The following ZNF562 variants were observed in gnomAD, a reference collection of about 807,000 sequenced individuals.
ZNF562 encodes zinc finger protein 562.
ZNF562 carries 13 observed loss-of-function variants against 17.5 expected under a neutral mutation model. The observed-to-expected ratio is 0.74, with a 90% confidence interval of 0.48 to 1.18. The LOEUF (loss-of-function observed/expected upper bound fraction) is 1.18. Among genes scored for constraint, ZNF562 ranks in the 50% most tolerant of loss-of-function variants. The probability of loss-of-function intolerance (pLI) is 0.00; values close to 1 mark genes in which losing one functional copy is unlikely to be tolerated. For synonymous variants in ZNF562, 163 were observed against 165.4 expected, an observed-to-expected ratio of 0.99 and a Z score of 0.11; for missense variants, 481 against 498.5, an observed-to-expected ratio of 0.96 and a Z score of 0.33.
chr19:9,654,675 T>C (rs528750082), intron 5 of ZNF562, among the ~76,000 whole-genome samples: 1 of 152,110 alleles, frequency 6.6e-6, no homozygotes, highest in African/African-American at 2.4e-5. Flanking sequence ...TCTCAAACTC[T>C]TGACCTTCTC....
In ZNF562 at chr19:9,653,766, C is replaced by A; in HGVS notation, c.464G>T (p.Gly155Val). 1 of 1,614,106 alleles carries A rather than the reference C, an allele frequency of 6.2e-7. No homozygotes were observed. Among genetic ancestry groups the A allele is most frequent in the Non-Finnish European group, 8.5e-7 (1 of 1,179,990 alleles). ...RAQNGGNTFE[G>V]NCYGKDSISV... ...GATGCTGTCTTTTCCATAACAATTACCCTCAAAAGTGTTCCCTCCATTCTG... is the reference window on the plus strand; with the variant it reads ...GATGCTGTCTTTTCCATAACAATTAACCTCAAAAGTGTTCCCTCCATTCTG... The change falls in exon 6 of 6, where the codon GGT becomes GTT. Residue 155 changes from glycine (G) to valine (V), a missense_variant. This residue lies in a region of ZNF562 where 403 missense variants were observed against 386.4 expected (regional missense o/e 1.04). Transcript: ENST00000453372.
chr19:9,653,797 T>C lies in ZNF562; in HGVS notation c.433A>G (p.Arg145Gly), dbSNP rs2043358390. 6.2e-7 allele frequency: 1 copy of C among 1,613,910 alleles called. No individual in the cohort carries two copies. The highest frequency in any genetic ancestry group is 8.5e-7 in the Non-Finnish European group (1 of 1,179,916). The change falls in exon 6 of 6, where the codon AGA (arginine) becomes GGA (glycine). Residue 145 changes from arginine (R) to glycine (G), a missense_variant. Arg to Gly is a moderately radical substitution (Grantham distance 125). Around this residue, in one of 2 missense-constraint regions of ZNF562, gnomAD observed 403 missense variants for 386.4 expected, o/e 1.04. Transcript: ENST00000453372. Reference sequence around the variant, plus strand: ...AAAGTGTTCCCTCCATTCTGAGCTCTCATGTGTGTCTTAAGGCAAAACTGT... The same window carrying C: ...AAAGTGTTCCCTCCATTCTGAGCTCCCATGTGTGTCTTAAGGCAAAACTGT... ...SEQFCLKTHMRAQNGGNTFEG... is the reference protein window; with the variant it reads ...SEQFCLKTHMGAQNGGNTFEG...
chr19:9,656,623 T>A lies in ZNF562; in HGVS notation c.272A>T (p.Glu91Val). The A allele has an allele frequency of 6.2e-7, 1 of 1,614,074 alleles. No individual in the cohort carries two copies. The change falls in exon 5 of 6, where the codon GAA becomes GTA. Residue 91 changes from glutamate to valine, a missense_variant. By Grantham distance (121) the Glu-to-Val change is moderately radical (BLOSUM62 -2). Coordinates refer to ENST00000453372, the MANE Select transcript of ZNF562 (RefSeq NM_001130031.2). Reference protein sequence around the residue: ...DFFFCLTSEWEIQPRTKRSSL... With the variant: ...DFFFCLTSEWVIQPRTKRSSL... ...TGACCGTTTGGTTCTAGGTTGTATT[T>A]CCCATTCTGAAGTTAAGCAGAAAAA... is the stretch of plus-strand genomic sequence containing the variant.
intron 4 of ZNF562, among the ~76,000 whole-genome samples, chr19:9,657,728 T>C (rs2043564004): frequency 1.3e-5 from 2 of 151,570 alleles, no homozygotes; most frequent in Middle Eastern, 6.8e-3. Flanking sequence ...TTTGCATTTT[T>C]AGTAGAGACA....
chr19:9,643,825 T>C lies in ZNF562; in HGVS notation c.*9124A>G, dbSNP rs2074789015. ...CTACTATTATACTTAGCGCATTTTT[T>C]TGTTTGTTTGTTTTTTGAGACAGTC... On this transcript the variant is annotated 3_prime_UTR_variant, in exon 6 of 6. Transcript: ENST00000453372. The C allele has an allele frequency of 2.6e-5, 4 of 152,046 alleles. No homozygotes were observed. In the South Asian group the frequency reaches 8.3e-4, roughly 32 times the overall value. 9.4% of individuals were successfully genotyped at this position (152,046 alleles called of 1,614,324 possible). A position where few individuals can be genotyped will look rare whatever the true frequency, so the allele number is the denominator to read the frequency against.
At chr19:9,669,714 GCGAGCGCGCGCGCGCGCGCGCACA>G (rs1310588268) in intron 1 of ZNF562, among the ~76,000 whole-genome samples, 7 of 90,344 alleles carry the variant, frequency 7.7e-5, no homozygotes, top group South Asian at 3.1e-4. Flanking sequence ...ATGCACGCGC[GCGAGCGCGCGCGCGCGCGCGCACA>G]CACACACACA....
chr19:9,670,246 A>C (rs2044135944), intron 1 of ZNF562, among the ~76,000 whole-genome samples: 1 of 152,074 alleles, frequency 6.6e-6, no homozygotes, highest in South Asian at 2.1e-4. Flanking sequence ...CAAAAAAAAC[A>C]AAACAAAACA....
At chr19:9,670,271 G>A (rs1349234375) in intron 1 of ZNF562, among the ~76,000 whole-genome samples, 1 of 151,794 alleles carries the variant, frequency 6.6e-6, no homozygotes, top group Non-Finnish European at 1.5e-5. Flanking sequence ...AAACAGTATG[G>A]GGGTTTCTCA....
rs199616104 is a variant in ZNF562 at position 9,653,273 on chromosome 19, C to T, written c.957G>A (p.Thr319=). The T allele has an allele frequency of 4.0e-5, 64 of 1,614,142 alleles. No individual in the cohort carries two copies. Among genetic ancestry groups the T allele is most frequent in the Middle Eastern group, 1.6e-4 (1 of 6,062 alleles). Residue 319 remains threonine, a synonymous_variant, in exon 6 of 6, where the codon ACG becomes ACA. Coordinates refer to ENST00000453372, the MANE Select transcript of ZNF562 (RefSeq NM_001130031.2). The part of the protein sequence containing the change: ...IHTGIKPHKC[T]ECGKAFTRST... Reference sequence around the variant, plus strand: ...ATCTAGTGAAGGCTTTCCCACATTCCGTACATTTGTGTGGTTTTATTCCAG... The same window carrying T: ...ATCTAGTGAAGGCTTTCCCACATTCTGTACATTTGTGTGGTTTTATTCCAG...
At chr19:9,655,462 TTC>T (rs1457560486) in intron 5 of ZNF562, among the ~76,000 whole-genome samples, 2 of 152,162 alleles carry the variant, frequency 1.3e-5, no homozygotes, top group Non-Finnish European at 2.9e-5. Context: ...TGCAGGCTAC[TTC>T]TCTCTCAAGT....
intron 1 of ZNF562, among the ~76,000 whole-genome samples, chr19:9,665,179 GC>G (rs1429431579): frequency 1.3e-5 from 2 of 148,916 alleles, no homozygotes; most frequent in Non-Finnish European, 3.0e-5. Context: ...CCAAGATCGT[GC>G]CACTGCACTC....
chr19:9,667,855 A>G (rs1284504327), intron 1 of ZNF562, among the ~76,000 whole-genome samples: 3 of 151,982 alleles, frequency 2.0e-5, no homozygotes, highest in Non-Finnish European at 4.4e-5. Flanking sequence ...TTGGCCTCCT[A>G]AAGTGCTGGG....
chr19:9,662,090 C>T lies in ZNF562; in HGVS notation c.-130-1216G>A, dbSNP rs74372272. Among the ~76,000 whole-genome samples the T allele has an allele frequency of 7.9e-3, 1,199 of 152,178 alleles. 10 individuals are homozygous for T. Among genetic ancestry groups the T allele is most frequent in the Middle Eastern group, 0.017 (5 of 294 alleles). On this transcript the variant is annotated intron_variant, in intron 1 of 5. Coordinates refer to ENST00000453372, the MANE Select transcript of ZNF562 (RefSeq NM_001130031.2). Reference sequence around the variant, plus strand: ...TACCTCTATTAATACTGAAAAAAACCTACATTCAAATAATCCTAGTAATTG... The same window carrying T: ...TACCTCTATTAATACTGAAAAAAACTTACATTCAAATAATCCTAGTAATTG...
chr19:9,653,621 G>T lies in ZNF562; in HGVS notation c.609C>A (p.Pro203=). The change falls in exon 6 of 6, where the codon CCC becomes CCA. Residue 203 remains proline (P), a synonymous_variant. Coordinates refer to ENST00000453372, the MANE Select transcript of ZNF562 (RefSeq NM_001130031.2). The stretch of plus-strand genomic sequence containing the variant: ...CTTTTCCACATTCCTTACATTTGTA[G>T]GGTTGTCTTCCATTGAGAATTTCAA... ...VHLEILNGRQ[P]YKCKECGKGF... 6.2e-7 allele frequency: 1 copy of T among 1,614,046 alleles called. No individual in the cohort carries two copies. Among genetic ancestry groups the T allele is most frequent in the Non-Finnish European group, 8.5e-7 (1 of 1,179,958 alleles).
rs374048287 is a variant in ZNF562 at position 9,668,554 on chromosome 19, A to G, written c.-131+6461T>C. On this transcript the variant is annotated intron_variant, in intron 1 of 5. Coordinates refer to ENST00000453372, the MANE Select transcript of ZNF562 (RefSeq NM_001130031.2). ...ACAATACTACCCAAAGCAATTTACA[A>G]TTAAGAGCAACCGTTATCAAAATAG... Among the ~76,000 whole-genome samples, 9 of 152,316 alleles carry G rather than the reference A, an allele frequency of 5.9e-5. No homozygotes were observed. In the East Asian group the frequency reaches 1.2e-3, roughly 20 times the overall value.
intron 4 of ZNF562, among the ~76,000 whole-genome samples, chr19:9,657,359 A>G (rs1599281328): frequency 6.7e-6 from 1 of 149,106 alleles, no homozygotes; most frequent in Non-Finnish European, 1.5e-5. Context: ...CTGCCACTGC[A>G]CCCCAGCCTG....
rs570793084 is a variant in ZNF562 at position 9,648,068 on chromosome 19, A to C, written c.*4881T>G. The C allele has an allele frequency of 6.6e-6, 1 of 152,140 alleles. No homozygotes were observed. Among genetic ancestry groups the C allele is most frequent in the African/African-American group, 2.4e-5 (1 of 41,432 alleles). The allele number at this position is 152,140 out of a possible 1,614,324, so 9.4% of individuals were successfully genotyped here. ...CCTAGATGACTCTTATAGATTAAGA[A>C]TTTAGAAATAGTAGGAACATGCCCC... On this transcript the variant is annotated 3_prime_UTR_variant, in exon 6 of 6. Transcript: ENST00000453372.
At chr19:9,656,737 G>A (rs1284615778) in intron 4 of ZNF562, 84 bp from the exon 5 acceptor site, 26 of 1,420,416 alleles carry the variant, frequency 1.8e-5, no homozygotes, top group Non-Finnish European at 1.8e-5. Flanking sequence ...GAAAATAAAA[G>A]CCACAGGCCA....
rs1362897281 is a variant in ZNF562, at chr19:9,645,873, A to G, written c.*7076T>C. 1.3e-5 allele frequency: 2 copies of G among 152,204 alleles called. No individual in the cohort carries two copies. The highest frequency in any genetic ancestry group is 2.9e-5 in the Non-Finnish European group (2 of 68,034). 9.4% of individuals were successfully genotyped at this position (152,204 alleles called of 1,614,324 possible). On this transcript the variant is annotated 3_prime_UTR_variant, in exon 6 of 6. Transcript: ENST00000453372. Reference sequence around the variant, plus strand: ...GTTATTTATGGTAACAACGAAAAGTAACATACAAATTTCAAACATCAAGAA... The same window carrying G: ...GTTATTTATGGTAACAACGAAAAGTGACATACAAATTTCAAACATCAAGAA...
Sources: gnomAD v4.1 joint callset for allele counts (sites outside exome capture counted in the v4.1 genomes callset) on GRCh38, gnomAD v4.1.1 for gene constraint, gnomAD v4.1.1 regional missense constraint, MANE v1.5 for transcripts, NCBI Gene and HGNC (gene_info 2026-07-23, HGNC 2026-07-21) for gene names.